The following RARS2 variants were observed in gnomAD, a reference collection of about 807,000 sequenced individuals.
RARS2 encodes the protein probable arginine--tRNA ligase, mitochondrial.
Under a neutral mutation model 88.5 loss-of-function variants are expected in RARS2, and 67 were observed. The observed-to-expected ratio is 0.76, with a 90% CI of 0.62 to 0.93. The LOEUF is 0.93. Among genes scored for constraint, RARS2 ranks in the 40% least tolerant of loss-of-function variants. The probability of loss-of-function intolerance (pLI) is 0.00; values close to 1 mark genes in which losing one functional copy is unlikely to be tolerated. For missense variants in RARS2, 664 were observed against 684.2 expected, an observed-to-expected ratio of 0.97 and a Z score of 0.33; for synonymous variants, 239 against 230.3, an observed-to-expected ratio of 1.04 and a Z score of -0.34.
chr6:87,562,968 C>CT (rs1221615690), intron 3 of RARS2, among the ~76,000 whole-genome samples, 183 bp from the exon 4 acceptor site: 1 of 152,104 alleles, frequency 6.6e-6, no homozygotes, highest in African/African-American at 2.4e-5. Flanking sequence ...AACACATTTT[C>CT]TTTTTTTCCC....
intron 1 of RARS2, among the ~76,000 whole-genome samples, chr6:87,572,037 T>C (rs772927821): frequency 2.6e-5 from 4 of 151,640 alleles, no homozygotes; most frequent in Non-Finnish European, 1.5e-5. Flanking sequence ...TTCATGTTTA[T>C]AGTACGAAAT....
At chr6:87,555,749 A>T (rs898087365) in intron 4 of RARS2, among the ~76,000 whole-genome samples, 5 of 152,138 alleles carry the variant, frequency 3.3e-5, no homozygotes, top group Admixed American at 1.3e-4. Context: ...ATTCATTCTT[A>T]CAGTAACCAG....
chr6:87,553,195 G>A (rs1456449708), intron 5 of RARS2, among the ~76,000 whole-genome samples: 1 of 152,140 alleles, frequency 6.6e-6, no homozygotes, highest in Non-Finnish European at 1.5e-5. Flanking sequence ...TTGCTACCCT[G>A]CGGGAGAGAC....
intron 13 of RARS2, among the ~76,000 whole-genome samples, 168 bp downstream of exon 13, chr6:87,520,012 A>G (rs1773320665): frequency 6.6e-6 from 1 of 152,212 alleles, no homozygotes; most frequent in Non-Finnish European, 1.5e-5. Context: ...TAATGTTTAT[A>G]AGGTGGAAAT....
chr6:87,585,334 A>C (rs1295048998), intron 1 of RARS2, among the ~76,000 whole-genome samples: 1 of 152,260 alleles, frequency 6.6e-6, no homozygotes, highest in Non-Finnish European at 1.5e-5. Context: ...ACACTAAAAC[A>C]AGTAAAACAA....
chr6:87,567,875 G>A (rs898983422), intron 2 of RARS2, among the ~76,000 whole-genome samples: 13 of 152,134 alleles, frequency 8.5e-5, no homozygotes, highest in Admixed American at 2.6e-4. Context: ...CGGTTCAAGC[G>A]GTTCTCCTGC....
chr6:87,519,685 C>T lies in RARS2; in HGVS notation c.1135G>A (p.Val379Ile), dbSNP rs1157336922. ...AERCQHVPFG[V>I]VQGMKTRRGD... Reference sequence around the variant, plus strand: ...CTTCGAGTCTTCATTCCCTGTACTACTCCAAAGGGCACGTGCTGGCACCTA... The same window carrying T: ...CTTCGAGTCTTCATTCCCTGTACTATTCCAAAGGGCACGTGCTGGCACCTA... Residue 379 changes from valine to isoleucine, a missense_variant, in exon 14 of 20, where the codon GTA becomes ATA. Val to Ile is a conservative substitution (Grantham distance 29, BLOSUM62 3). Coordinates refer to ENST00000369536, the MANE Select transcript of RARS2 (RefSeq NM_020320.5). 6.2e-7 allele frequency: 1 copy of T among 1,613,966 alleles called. No homozygotes were observed. Among genetic ancestry groups the T allele is most frequent in the Admixed American group, 1.7e-5 (1 of 60,030 alleles).
chr6:87,565,318 C>T (rs772884818), intron 2 of RARS2, among the ~76,000 whole-genome samples: 1 of 152,124 alleles, frequency 6.6e-6, no homozygotes, highest in East Asian at 1.9e-4. Flanking sequence ...GAAGAATATT[C>T]TTCTTAACAC....
intron 8 of RARS2, among the ~76,000 whole-genome samples, chr6:87,540,860 G>C (rs576822428): frequency 2.8e-4 from 43 of 152,174 alleles, no homozygotes; most frequent in Admixed American, 1.6e-3. Flanking sequence ...TTGGACAAAA[G>C]CCAGGAAAAG....
intron 1 of RARS2, among the ~76,000 whole-genome samples, chr6:87,576,681 C>T (rs930645612): frequency 2.0e-5 from 3 of 152,070 alleles, no homozygotes; most frequent in African/African-American, 7.2e-5. Flanking sequence ...ATTTTCGAAG[C>T]TGGGTGTGGG....
intron 11 of RARS2, 68 bp from the exon 12 acceptor site, chr6:87,521,592 T>C: frequency 8.3e-7 from 1 of 1,199,680 alleles, no homozygotes; most frequent in Admixed American, 1.7e-5. Context: ...CTTACCTATT[T>C]AATAGCAATG....
At chr6:87,566,849 CAAAAAAAAAAA>C (rs36032606) in intron 2 of RARS2, among the ~76,000 whole-genome samples, 5 of 60,294 alleles carry the variant, frequency 8.3e-5, no homozygotes, top group East Asian at 1.0e-3. Flanking sequence ...GGTCCTGTCT[CAAAAAAAAAAA>C]AAAAAAAAAA....
intron 13 of RARS2, among the ~76,000 whole-genome samples, chr6:87,519,928 A>C (rs1773301885): frequency 6.6e-6 from 1 of 152,222 alleles, no homozygotes; most frequent in Non-Finnish European, 1.5e-5. Flanking sequence ...CCTTTAGGAG[A>C]AAAAGGAGAT....
intron 5 of RARS2, among the ~76,000 whole-genome samples, chr6:87,549,060 T>G (rs1050513759): frequency 6.6e-5 from 10 of 151,912 alleles, no homozygotes; most frequent in African/African-American, 2.4e-4. Flanking sequence ...AAAAAAATTT[T>G]TTTTAGTCAG....
At chr6:87,521,069 A>G (rs1471827119) in intron 12 of RARS2, among the ~76,000 whole-genome samples, 2 of 152,224 alleles carry the variant, frequency 1.3e-5, no homozygotes, top group South Asian at 2.1e-4. Flanking sequence ...TAAAAGTACT[A>G]TGGTTATGTA....
At chr6:87,569,779 C>T (rs543987854) in intron 1 of RARS2, among the ~76,000 whole-genome samples, 189 bp from the exon 2 acceptor site, 1 of 151,732 alleles carries the variant, frequency 6.6e-6, no homozygotes, top group South Asian at 2.1e-4. Context: ...CTCTGGAAAA[C>T]CCAAAATTCT....
rs545777307 is a variant in RARS2 at position 87,531,001 on chromosome 6, C to T, written c.613-59G>A. On this transcript the variant is annotated intron_variant, in intron 8 of 19. Transcript: ENST00000369536. The stretch of plus-strand genomic sequence containing the variant: ...TAACAGGTCATTGTTATCTCTAACA[C>T]GGAAAGAAAGCAAAAAAAGCACATT... The T allele has an allele frequency of 1.3e-4, 213 of 1,602,460 alleles. 1 individual carries two copies. In the Middle Eastern group the frequency reaches 1.7e-3, roughly 12 times the overall value.
intron 4 of RARS2, among the ~76,000 whole-genome samples, chr6:87,562,063 C>A (rs6926321): frequency 0.074 from 11,245 of 152,268 alleles, 603 homozygotes; most frequent in African/African-American, 0.15. Context: ...CTCCCAGGCT[C>A]AAGCGATCCT....
chr6:87,563,286 T>TGAAGA (rs2128171311), intron 3 of RARS2, among the ~76,000 whole-genome samples: 1 of 152,330 alleles, frequency 6.6e-6, no homozygotes, highest in Admixed American at 6.5e-5. Context: ...CTATGGAACT[T>TGAAGA]GAAGAGATAT....
Sources: gnomAD v4.1 joint callset for allele counts (sites outside exome capture counted in the v4.1 genomes callset) on GRCh38, gnomAD v4.1.1 for gene constraint, MANE v1.5 for transcripts, NCBI Gene and HGNC (gene_info 2026-07-23, HGNC 2026-07-21) for gene names.